Variants in NCMAP observed in about 807,000 individuals in gnomAD.
The protein encoded by NCMAP is noncompact myelin-associated protein.
NCMAP carries 8 observed loss-of-function variants against 7.8 expected under a neutral mutation model. The observed-to-expected ratio is 1.02, with a 90% CI of 0.60 to 1.84. The LOEUF is 1.84. Among genes scored for constraint, NCMAP ranks in the 40% most tolerant of loss-of-function variants. NCMAP has a pLI of 0.00. For synonymous variants in NCMAP, 41 were observed against 52.9 expected (o/e 0.78, Z 0.98); for missense variants, 112 against 131.4 (o/e 0.85, Z 0.72).
chr1:24,598,154 T>G (rs1282098423), intron 2 of NCMAP, among the ~76,000 whole-genome samples: 2 of 152,208 alleles, frequency 1.3e-5, no homozygotes, highest in East Asian at 3.8e-4. Flanking sequence ...CATGATGGAT[T>G]TCCCGCCCTC....
rs368124293 is a variant in NCMAP at position 24,579,197 on chromosome 1, GT to G, written c.-7-16214del. Among the ~76,000 whole-genome samples the G allele has an allele frequency of 9.7e-3, 1,060 of 109,066 alleles. 8 individuals carry two copies. Among genetic ancestry groups the G allele is most frequent in the African/African-American group, 0.029 (902 of 30,872 alleles). 71.6% of individuals were successfully genotyped at this position (109,066 alleles called of 152,430 possible). On this transcript the variant is annotated intron_variant, in intron 1 of 3. Coordinates refer to ENST00000374392, the MANE Select transcript of NCMAP (RefSeq NM_001010980.5). ...AAAAGGTGCATGGGGTAGGGTGGGG[GT>G]TTTTTTTTTTTTAAAGACTTCATGC... is the stretch of plus-strand genomic sequence containing the variant.
At chr1:24,602,568 T>C (rs1287092375) in intron 3 of NCMAP, among the ~76,000 whole-genome samples, 2 of 16,984 alleles carry the variant, frequency 1.2e-4, no homozygotes, top group African/African-American at 1.7e-4. Flanking sequence ...AGACTCCATC[T>C]CAAAAAAAAA....
At chr1:24,574,774 A>G (rs1430590616) in intron 1 of NCMAP, among the ~76,000 whole-genome samples, 4 of 150,596 alleles carry the variant, frequency 2.7e-5, no homozygotes, top group South Asian at 2.1e-4. Context: ...CACGAGGCAC[A>G]GTAGACAAGG....
intron 2 of NCMAP, among the ~76,000 whole-genome samples, chr1:24,598,067 G>A (rs552118591): frequency 2.6e-5 from 4 of 151,954 alleles, no homozygotes; most frequent in Admixed American, 6.6e-5. Context: ...CAGCCTCCCC[G>A]ACAAAGAATT....
intron 1 of NCMAP, among the ~76,000 whole-genome samples, chr1:24,578,748 G>C (rs112071356): frequency 0.15 from 23,217 of 151,242 alleles, 2,359 homozygotes; most frequent in East Asian, 0.39. Context: ...TTTATTTCTT[G>C]TAGAGATTGG....
chr1:24,600,247 C>A (rs1652430924), intron 2 of NCMAP, among the ~76,000 whole-genome samples: 1 of 152,070 alleles, frequency 6.6e-6, no homozygotes, highest in African/African-American at 2.4e-5. Flanking sequence ...ACCTCCCAGG[C>A]TCAAGAGATC....
chr1:24,587,891 C>G (rs771211863), intron 1 of NCMAP, among the ~76,000 whole-genome samples: 1 of 152,090 alleles, frequency 6.6e-6, no homozygotes, highest in Non-Finnish European at 1.5e-5. Flanking sequence ...TAATTTGCAC[C>G]AATAAGTAAA....
intron 3 of NCMAP, among the ~76,000 whole-genome samples, chr1:24,602,794 C>G (rs112120360): frequency 0.054 from 8,171 of 151,340 alleles, 756 homozygotes; most frequent in African/African-American, 0.19. Flanking sequence ...GTGGCTCACA[C>G]CTGTAATCTC....
intron 1 of NCMAP, among the ~76,000 whole-genome samples, chr1:24,556,674 C>T (rs944451488): frequency 6.6e-6 from 1 of 152,010 alleles, no homozygotes; most frequent in African/African-American, 2.4e-5. Flanking sequence ...ATCCACAGCA[C>T]GTTTGGAGGG....
At position 24,572,524 on chromosome 1, in the gene NCMAP, G is replaced by A. The variant is rs376096281; in HGVS notation, c.-8+16355G>A. 1.7e-4 allele frequency among the ~76,000 whole-genome samples: 25 copies of A among 150,582 alleles called. No homozygotes were observed. In the East Asian group the frequency reaches 3.3e-3, roughly 20 times the overall value. On this transcript the variant is annotated intron_variant, in intron 1 of 3. Transcript: ENST00000374392. ...AGGAAGTGAAGAACCTGCTAGCCCC[G>A]CCTGGCCAAGCTCCCCGTGCCAGGG...
At chr1:24,559,397 G>A (rs1290345323) in intron 1 of NCMAP, among the ~76,000 whole-genome samples, 5 of 152,118 alleles carry the variant, frequency 3.3e-5, no homozygotes, top group African/African-American at 4.8e-5. Flanking sequence ...GGCAGGAGGC[G>A]GCAGGAAGAA....
At chr1:24,580,596 A>G (rs540109063) in intron 1 of NCMAP, among the ~76,000 whole-genome samples, 1 of 152,158 alleles carries the variant, frequency 6.6e-6, no homozygotes, top group Non-Finnish European at 1.5e-5. Context: ...GACTACAGGC[A>G]TGCACCACCA....
At chr1:24,579,473 G>A (rs1340061910) in intron 1 of NCMAP, among the ~76,000 whole-genome samples, 1 of 152,136 alleles carries the variant, frequency 6.6e-6, no homozygotes, top group Non-Finnish European at 1.5e-5. Flanking sequence ...GGTGGCTCAT[G>A]TCTGTGATCC....
chr1:24,560,801 A>G (rs1651028101), intron 1 of NCMAP, among the ~76,000 whole-genome samples: 1 of 151,802 alleles, frequency 6.6e-6, no homozygotes, highest in African/African-American at 2.4e-5. Context: ...GCCCAATCCC[A>G]TGACCCTCAT....
At chr1:24,574,142 G>A (rs1244706868) in intron 1 of NCMAP, among the ~76,000 whole-genome samples, 19 of 147,174 alleles carry the variant, frequency 1.3e-4, no homozygotes, top group African/African-American at 4.7e-4. Flanking sequence ...TTTTTTTTTA[G>A]ACGGAGTCTT....
At chr1:24,579,432 C>G (rs944572399) in intron 1 of NCMAP, among the ~76,000 whole-genome samples, 2 of 151,940 alleles carry the variant, frequency 1.3e-5, no homozygotes, top group Non-Finnish European at 2.9e-5. Context: ...GCTATCTGTT[C>G]CTATTTAAGA....
rs191517905 is a variant in NCMAP at position 24,576,752 on chromosome 1, G to A, written c.-7-18672G>A. On this transcript the variant is annotated intron_variant, in intron 1 of 3. Transcript: ENST00000374392. This position sits in a 1 kb window ranked among gnomAD's most constrained non-coding sequence, Gnocchi z 4.0. ...CCAGGGTTCTTGCCCCCCATCTCAG[G>A]CCTCTCTGTTGGAGTTTTCAAGATG... Among the ~76,000 whole-genome samples, 4 of 152,114 alleles carry A rather than the reference G, an allele frequency of 2.6e-5. No homozygotes were observed. The highest frequency in any genetic ancestry group is 5.9e-5 in the Non-Finnish European group (4 of 68,026).
chr1:24,573,600 GAAACAA>G (rs149566222), intron 1 of NCMAP, among the ~76,000 whole-genome samples: 17,844 of 148,094 alleles, frequency 0.12, 1,772 homozygotes, highest in African/African-American at 0.23. Context: ...CTACAAAAAA[GAAACAA>G]AAACAAAAAC....
Position 24,571,893 on chromosome 1 carries a change from A to T in NCMAP, c.-8+15724A>T, listed in dbSNP as rs1464927562. Among the ~76,000 whole-genome samples the T allele has an allele frequency of 1.3e-5, 2 of 151,126 alleles. 1 individual carries two copies. The highest frequency in any genetic ancestry group is 5.0e-5 in the African/African-American group (2 of 40,402). ...AAGCCACCGCGCCTGGAAGAAAAAA[A>T]TTATGAATGAGATGTTTTACATTCT... On this transcript the variant is annotated intron_variant, in intron 1 of 3. Transcript: ENST00000374392.
Sources: allele counts gnomAD v4.1 joint callset (sites outside exome capture counted in the v4.1 genomes callset), GRCh38; gene constraint gnomAD v4.1.1; non-coding constraint Gnocchi (gnomAD v3.1); transcripts MANE v1.5; gene names NCBI Gene and HGNC (gene_info 2026-07-23, HGNC 2026-07-21).